Variants in ANO5 observed in about 807,000 individuals in gnomAD.
The protein encoded by ANO5 is anoctamin 5.
Under a neutral mutation model 121.0 loss-of-function variants are expected in ANO5, and 109 were observed. That is an observed-to-expected ratio of 0.90 (90% CI 0.77 to 1.06). ANO5 has a LOEUF of 1.06. ANO5 is among the 50% of genes least tolerant of loss of function. The pLI, the probability that ANO5 is intolerant of heterozygous loss-of-function variation, is 0.00. For missense variants in ANO5, 1,064 were observed against 1,078.5 expected (o/e 0.99, Z 0.19); for synonymous variants, 406 against 359.9 (o/e 1.13, Z -1.45).
At chr11:22,271,939 A>G (rs1272963153) in intron 18 of ANO5, among the ~76,000 whole-genome samples, 2 of 152,160 alleles carry the variant, frequency 1.3e-5, no homozygotes, top group Non-Finnish European at 2.9e-5. Context: ...TCACTTGATA[A>G]GACGGATTCA....
At chr11:22,248,919 T>C (rs1853707411) in intron 9 of ANO5, among the ~76,000 whole-genome samples, 1 of 152,046 alleles carries the variant, frequency 6.6e-6, no homozygotes. Flanking sequence ...TCATAAAATA[T>C]ATTTTTGTAC....
intron 5 of ANO5, 69 bp from the exon 6 acceptor site, chr11:22,225,915 A>G: frequency 8.2e-7 from 1 of 1,226,276 alleles, no homozygotes; most frequent in Non-Finnish European, 1.2e-6. Flanking sequence ...TTGTATATTG[A>G]ATCTGTCAAT....
chr11:22,223,969 T>C (rs563076573), intron 5 of ANO5, among the ~76,000 whole-genome samples: 13 of 152,144 alleles, frequency 8.5e-5, no homozygotes, highest in Non-Finnish European at 1.9e-4. Flanking sequence ...TAAAATCCAA[T>C]GGTCAAGCCT....
Position 22,260,464 on chromosome 11 carries a change from A to G in ANO5, c.1630+723A>G, listed in dbSNP as rs565746876. Among the ~76,000 whole-genome samples the G allele has an allele frequency of 2.6e-5, 4 of 152,296 alleles. No homozygotes were observed. In the East Asian group the frequency reaches 7.7e-4, roughly 29 times the overall value. On this transcript the variant is annotated intron_variant, in intron 15 of 21. Coordinates refer to ENST00000324559, the MANE Select transcript of ANO5 (RefSeq NM_213599.3). ...CATGGCTGACGTCAAGCAAAAGACC[A>G]CATTATTCAGTCAGCGCTGGAATGA...
At chr11:22,214,323 C>T (rs2133563417) in intron 3 of ANO5, among the ~76,000 whole-genome samples, 1 of 151,976 alleles carries the variant, frequency 6.6e-6, no homozygotes, top group South Asian at 2.1e-4. Context: ...TTGTACATTT[C>T]CTGCCTCAGT....
At chr11:22,238,109 T>C (rs1369313505) in intron 8 of ANO5, among the ~76,000 whole-genome samples, 1 of 152,128 alleles carries the variant, frequency 6.6e-6, no homozygotes, top group Admixed American at 6.6e-5. Context: ...AACCTGCAGA[T>C]ACAGAGGGCC....
At chr11:22,269,449 G>A (rs1390731493) in intron 17 of ANO5, among the ~76,000 whole-genome samples, 2 of 140,198 alleles carry the variant, frequency 1.4e-5, no homozygotes, top group African/African-American at 5.3e-5. Context: ...AGAAGGGAAA[G>A]GAAGAAGGAA....
chr11:22,272,739 T>A, intron 18 of ANO5, 45 bp from the exon 19 acceptor site: 3 of 1,567,270 alleles, frequency 1.9e-6, no homozygotes, highest in Non-Finnish European at 2.6e-6. Flanking sequence ...TTCCTGTCTT[T>A]CTCCTTCACA....
intron 7 of ANO5, among the ~76,000 whole-genome samples, chr11:22,232,762 T>G (rs1590254493): frequency 6.6e-6 from 1 of 152,074 alleles, no homozygotes; most frequent in East Asian, 1.9e-4. Flanking sequence ...TTTCATACTG[T>G]TTTACCATGC....
rs1852640541 is a variant in ANO5, at chr11:22,221,223, T to C, written c.294+13T>C. The C allele has an allele frequency of 4.5e-6, 7 of 1,556,500 alleles. No individual in the cohort carries two copies. The highest frequency in any genetic ancestry group is 5.3e-6 in the Non-Finnish European group (6 of 1,128,798). ...AGAGTTAAAGGCGGTAAGTGCATTA[T>C]AACAGAAGTGGGAATAATAAAAAGA... is the stretch of plus-strand genomic sequence containing the variant. On this transcript the variant is annotated intron_variant, in intron 5 of 21. Transcript: ENST00000324559.
chr11:22,234,451 C>T (rs574419643), intron 7 of ANO5, among the ~76,000 whole-genome samples: 1 of 152,210 alleles, frequency 6.6e-6, no homozygotes, highest in South Asian at 2.1e-4. Context: ...GATATTTGTT[C>T]TTGCTTCAAT....
chr11:22,250,760 G>A lies in ANO5; in HGVS notation c.1033G>A (p.Glu345Lys), dbSNP rs1467623870. Residue 345 changes from glutamate (E) to lysine (K), a missense_variant, in exon 11 of 22, where the codon GAG becomes AAG. By Grantham distance (56) the Glu-to-Lys change is moderately conservative. Coordinates refer to ENST00000324559, the MANE Select transcript of ANO5 (RefSeq NM_213599.3). ...TTGCAGCACTGAAATCTGTGACCCTGAGATTGGTGGTCAGATGATCATGTG... is the reference window on the plus strand; with the variant it reads ...TTGCAGCACTGAAATCTGTGACCCTAAGATTGGTGGTCAGATGATCATGTG... ...NTSSTEICDP[E>K]IGGQMIMCPL... is the part of the protein sequence containing the mutation. 6.2e-7 allele frequency: 1 copy of A among 1,613,896 alleles called. No individual in the cohort carries two copies. Among genetic ancestry groups the A allele is most frequent in the East Asian group, 2.2e-5 (1 of 44,870 alleles).
intron 2 of ANO5, among the ~76,000 whole-genome samples, chr11:22,206,621 A>AT (rs1852130763): frequency 6.6e-6 from 1 of 152,062 alleles, no homozygotes; most frequent in Non-Finnish European, 1.5e-5. Flanking sequence ...GTCTCCATTC[A>AT]TTTTTTGAAA....
chr11:22,278,883 C>CT (rs71034586), intron 21 of ANO5, among the ~76,000 whole-genome samples: 3,245 of 147,014 alleles, frequency 0.022, 59 homozygotes, highest in African/African-American at 0.052. Flanking sequence ...ACTGTTTTTA[C>CT]TTTTTTTTTT....
chr11:22,274,534 C>T (rs1469170809), intron 19 of ANO5, 35 bp from the exon 20 acceptor site: 1 of 1,538,898 alleles, frequency 6.5e-7, no homozygotes, highest in Admixed American at 2.0e-5. Context: ...AAATTGGCAG[C>T]TGATGATCTT....
At chr11:22,205,123 A>C (rs1337272866) in intron 2 of ANO5, among the ~76,000 whole-genome samples, 1 of 152,144 alleles carries the variant, frequency 6.6e-6, no homozygotes, top group African/African-American at 2.4e-5. Flanking sequence ...CCATGTTCTC[A>C]CTTATAAGTT....
rs186171661 is a variant in ANO5 at position 22,223,716 on chromosome 11, A to T, written c.295-2268A>T. Among the ~76,000 whole-genome samples, 23 of 152,110 alleles carry T rather than the reference A, an allele frequency of 1.5e-4. No homozygotes were observed. In the East Asian group the frequency reaches 4.5e-3, roughly 30 times the overall value. On this transcript the variant is annotated intron_variant, in intron 5 of 21. Coordinates refer to ENST00000324559, the MANE Select transcript of ANO5 (RefSeq NM_213599.3). ...CTCTTTTCTGTATACCTATTTTGGG[A>T]TATTGCTCTGAAAATTAGTTCCTCT...
At chr11:22,238,430 T>A (rs2133658520) in intron 8 of ANO5, among the ~76,000 whole-genome samples, 1 of 152,234 alleles carries the variant, frequency 6.6e-6, no homozygotes, top group South Asian at 2.1e-4. Flanking sequence ...TAGAGTCATA[T>A]AGGCTCATTG....
At chr11:22,227,711 G>C (rs1852892314) in intron 7 of ANO5, 125 bp downstream of exon 7, 2 of 1,201,838 alleles carry the variant, frequency 1.7e-6, no homozygotes, top group African/African-American at 3.0e-5. Flanking sequence ...ATAAGCATTT[G>C]GTGATATTGG....
Sources: gnomAD v4.1 joint callset for allele counts (sites outside exome capture counted in the v4.1 genomes callset) on GRCh38, gnomAD v4.1.1 for gene constraint, MANE v1.5 for transcripts, NCBI Gene and HGNC (gene_info 2026-07-23, HGNC 2026-07-21) for gene names.